The following ZNF638 variants were observed in gnomAD, a reference collection of about 807,000 sequenced individuals.
ZNF638 encodes zinc finger protein 638.
ZNF638 carries 46 observed loss-of-function variants against 195.6 expected under a neutral mutation model. The observed-to-expected ratio is 0.24, with a 90% CI of 0.19 to 0.30. ZNF638 has a LOEUF of 0.30. Ranked by LOEUF, ZNF638 falls within the 10% of genes least tolerant of loss-of-function variation. ZNF638 has a pLI of 1.00. For synonymous variants in ZNF638, 845 were observed against 772.0 expected (o/e 1.09, Z -1.57); for missense variants, 2,440 against 2,325.3 (o/e 1.05, Z -1.01).
At chr2:71,357,279 G>C (rs1282724901) in intron 3 of ZNF638, among the ~76,000 whole-genome samples, 2 of 152,096 alleles carry the variant, frequency 1.3e-5, no homozygotes, top group African/African-American at 4.8e-5. Context: ...ATCTCGGTTT[G>C]TGTCATATGT....
At position 71,364,019 on chromosome 2, in the gene ZNF638, G is replaced by GAAAGGA. The variant is rs1558843588; in HGVS notation, c.1484_1485insAAAGGA (p.Arg495_Ser496insLysAsp). 2 of 1,614,158 alleles carry GAAAGGA rather than the reference G, an allele frequency of 1.2e-6. No homozygotes were observed. The highest frequency in any genetic ancestry group is 1.7e-6 in the Non-Finnish European group (2 of 1,180,020). On this transcript the variant is annotated inframe_insertion, in exon 5 of 28. Transcript: ENST00000264447. The stretch of plus-strand genomic sequence containing the variant: ...CGTTCTCATTCCCCCAGTCCTAGGC[G>GAAAGGA]TTCTAGAAGATCAAGCTCAAGTCAC...
Position 71,423,260 on chromosome 2 carries a change from A to G in ZNF638, c.3746A>G (p.Asp1249Gly). Residue 1249 changes from aspartate (D) to glycine (G), a missense_variant, in exon 22 of 28, where the codon GAT (aspartate) becomes GGT (glycine). By Grantham distance (94) the Asp-to-Gly change is moderately conservative. This residue lies in a region of ZNF638 where 1,883 missense variants were observed against 1,739.1 expected (regional missense o/e 1.08). Transcript: ENST00000264447. ...GAAGAATCTCCATCTGAAGCAGAAG[A>G]TTTCATTTCTGGAATTACACAGACT... Reference protein sequence around the residue: ...ILEESPSEAEDFISGITQTMV... With the variant: ...ILEESPSEAEGFISGITQTMV... The G allele has an allele frequency of 1.9e-6, 3 of 1,614,108 alleles. No individual in the cohort carries two copies. The highest frequency in any genetic ancestry group is 1.6e-4 in the Middle Eastern group (1 of 6,062).
intron 10 of ZNF638, among the ~76,000 whole-genome samples, chr2:71,392,919 A>G (rs751796200): frequency 1.3e-5 from 2 of 152,172 alleles, no homozygotes; most frequent in Non-Finnish European, 2.9e-5. Context: ...GTTCCTACCT[A>G]ATTAGCGCAC....
At position 71,402,104 on chromosome 2, in the gene ZNF638, A is replaced by T. The variant is rs752351024; in HGVS notation, c.2829+17A>T. On this transcript the variant is annotated intron_variant, in intron 16 of 27. Transcript: ENST00000264447. ...CATAAAAAGGTAAGAGTTGATTAAT[A>T]GCTGTTCATATCCTCTGCAAGCATG... 21 of 1,598,122 alleles carry T rather than the reference A, an allele frequency of 1.3e-5. No individual in the cohort carries two copies. Among genetic ancestry groups the T allele is most frequent in the Non-Finnish European group, 1.8e-5 (21 of 1,173,228 alleles).
chr2:71,416,659 G>A (rs2152593790), intron 20 of ZNF638, among the ~76,000 whole-genome samples: 1 of 78,220 alleles, frequency 1.3e-5, no homozygotes, highest in South Asian at 5.9e-4. Flanking sequence ...GGTTTTCGGT[G>A]TAGATGTCCT....
At chr2:71,377,657 G>T (rs112140109) in intron 8 of ZNF638, among the ~76,000 whole-genome samples, 6 of 152,346 alleles carry the variant, frequency 3.9e-5, no homozygotes, top group Non-Finnish European at 7.3e-5. Context: ...TGGTGAGCAA[G>T]AGAGGTGTGA....
Position 71,433,196 on chromosome 2 carries a change from C to T in ZNF638, c.5784C>T (p.Phe1928=). The change falls in exon 27 of 28, where the codon TTC becomes TTT. Residue 1928 remains phenylalanine, a synonymous_variant. Coordinates refer to ENST00000264447, the MANE Select transcript of ZNF638 (RefSeq NM_014497.5). Reference sequence around the variant, plus strand: ...ACTTTCTTGTACCTAAGGCTGGATTCTTCTGTCCAATTTGTTCCCTCTTCT... The same window carrying T: ...ACTTTCTTGTACCTAAGGCTGGATTTTTCTGTCCAATTTGTTCCCTCTTCT... The part of the protein sequence containing the change: ...ELDFLVPKAG[F]FCPICSLFYS... 6.2e-7 allele frequency: 1 copy of T among 1,613,962 alleles called. No homozygotes were observed. The highest frequency in any genetic ancestry group is 8.5e-7 in the Non-Finnish European group (1 of 1,179,824).
intron 10 of ZNF638, chr2:71,395,359 T>C (rs1341819170): frequency 4.2e-6 from 3 of 711,730 alleles, no homozygotes; most frequent in South Asian, 1.5e-5. Flanking sequence ...GGGGGAGATG[T>C]AGGAGATCAG....
intron 4 of ZNF638, among the ~76,000 whole-genome samples, chr2:71,363,691 G>T (rs886843284): frequency 6.6e-6 from 1 of 152,158 alleles, no homozygotes; most frequent in Admixed American, 6.5e-5. Context: ...AAAAACCAGA[G>T]AAATTCATTA....
chr2:71,334,756 A>C (rs1172136096), intron 1 of ZNF638, among the ~76,000 whole-genome samples: 3 of 151,970 alleles, frequency 2.0e-5, no homozygotes, highest in Non-Finnish European at 2.9e-5. Context: ...CATCTCTACT[A>C]AAAATAGAAA....
chr2:71,420,410 T>C (rs1259482637), intron 21 of ZNF638, among the ~76,000 whole-genome samples: 1 of 152,200 alleles, frequency 6.6e-6, no homozygotes, highest in Non-Finnish European at 1.5e-5. Context: ...ATAAGAATGC[T>C]AAGTGAAATT....
intron 24 of ZNF638, 103 bp downstream of exon 24, chr2:71,427,517 T>C (rs575285634): frequency 1.2e-6 from 1 of 841,768 alleles, no homozygotes; most frequent in Non-Finnish European, 1.7e-6. Flanking sequence ...TCACCCAGTA[T>C]TGATATTAGA....
At chr2:71,370,589 A>G (rs2079291795) in intron 8 of ZNF638, among the ~76,000 whole-genome samples, 1 of 152,194 alleles carries the variant, frequency 6.6e-6, no homozygotes, top group Non-Finnish European at 1.5e-5. Flanking sequence ...GTAAAAAGCT[A>G]TATGTATATC....
intron 3 of ZNF638, among the ~76,000 whole-genome samples, chr2:71,356,036 T>C (rs1173524350): frequency 6.6e-6 from 1 of 152,242 alleles, no homozygotes; most frequent in Non-Finnish European, 1.5e-5. Context: ...CATTCTTTGC[T>C]GGCTTACCTT....
intron 10 of ZNF638, 61 bp downstream of exon 10, chr2:71,380,626 T>C: frequency 7.3e-7 from 1 of 1,361,208 alleles, no homozygotes; most frequent in Non-Finnish European, 1.0e-6. Context: ...AGTAGAAACT[T>C]AGATGATGAT....
At chr2:71,425,174 CAT>C (rs1419046110) in intron 23 of ZNF638, among the ~76,000 whole-genome samples, 3 of 152,144 alleles carry the variant, frequency 2.0e-5, no homozygotes, top group Non-Finnish European at 4.4e-5. Context: ...TGTTGTCAAA[CAT>C]ATTTTATATT....
chr2:71,364,200 C>T lies in ZNF638; in HGVS notation c.1665C>T (p.Cys555=), dbSNP rs753584128. 14 of 1,614,090 alleles carry T rather than the reference C, an allele frequency of 8.7e-6. No individual in the cohort carries two copies. The Admixed American group carries it at 2.0e-4, about 23-fold the overall frequency. The change falls in exon 5 of 28, where the codon TGC becomes TGT. Residue 555 remains cysteine (C), a synonymous_variant. Transcript: ENST00000264447. ...ATCCATTTAGAGGTAGTCCAAAATG[C>T]TTTCGATCAGTTAGCCCTGAGAGGA... ...IRNPFRGSPK[C]FRSVSPERMS...
chr2:71,390,247 C>T lies in ZNF638; in HGVS notation c.2378-5894C>T, dbSNP rs1031388220. ...CTGCTCCAAACTTGGGCAATGCCAG[C>T]GGCTTTCCTCGGTCAATTGGAAAGC... On this transcript the variant is annotated intron_variant, in intron 10 of 27. Coordinates refer to ENST00000264447, the MANE Select transcript of ZNF638 (RefSeq NM_014497.5). 3.5e-4 allele frequency among the ~76,000 whole-genome samples: 53 copies of T among 152,216 alleles called. 1 individual carries two copies. The highest frequency in any genetic ancestry group is 1.2e-3 in the African/African-American group (50 of 41,450).
chr2:71,422,460 G>A (rs1219571182), intron 21 of ZNF638, among the ~76,000 whole-genome samples: 1 of 152,028 alleles, frequency 6.6e-6, no homozygotes, highest in Non-Finnish European at 1.5e-5. Context: ...TATTATTTCA[G>A]TTACCACTGT....
Sources: gnomAD v4.1 joint callset for allele counts (sites outside exome capture counted in the v4.1 genomes callset) on GRCh38, gnomAD v4.1.1 for gene constraint, gnomAD v4.1.1 regional missense constraint, MANE v1.5 for transcripts, NCBI Gene and HGNC (gene_info 2026-07-23, HGNC 2026-07-21) for gene names.